The following DAB1 variants were observed in gnomAD, a reference collection of about 807,000 sequenced individuals.
DAB1 encodes DAB adaptor protein 1, also known as disabled homolog 1.
In DAB1, 15 loss-of-function variants were observed where a neutral mutation model predicts 64.6. The ratio of observed to expected loss-of-function variants is 0.23; its 90% confidence interval spans 0.16 to 0.36. The LOEUF is 0.36. Ranked by LOEUF, DAB1 falls within the 10% of genes least tolerant of loss-of-function variation. The pLI is 1.00. For missense variants in DAB1, 596 were observed against 706.7 expected (o/e 0.84, Z 1.78); for synonymous variants, 235 against 251.9 (o/e 0.93, Z 0.64).
chr1:58,450,740 C>T (rs1014989019), intron 3 of DAB1, among the ~76,000 whole-genome samples: 10 of 152,010 alleles, frequency 6.6e-5, no homozygotes, highest in African/African-American at 2.2e-4. Flanking sequence ...GGTGACAGAG[C>T]GAGACTCCGT....
intron 1 of DAB1, among the ~76,000 whole-genome samples, chr1:57,378,782 C>T (rs576202679): frequency 6.6e-6 from 1 of 152,154 alleles, no homozygotes. Flanking sequence ...CAGTGCAGCA[C>T]AGAATGCCTC....
intron 4 of DAB1, among the ~76,000 whole-genome samples, chr1:58,331,893 C>G (rs768326413): frequency 6.6e-6 from 1 of 152,124 alleles, no homozygotes; most frequent in Non-Finnish European, 1.5e-5. Context: ...CCTGTATCTA[C>G]TCAATAAATG....
chr1:57,962,107 TCA>T (rs1046023426), intron 5 of DAB1, among the ~76,000 whole-genome samples: 4 of 152,094 alleles, frequency 2.6e-5, no homozygotes, highest in African/African-American at 9.7e-5. Context: ...TGATCCCAAT[TCA>T]AATCCTGGCT....
At chr1:58,091,257 A>G (rs550963759) in intron 5 of DAB1, among the ~76,000 whole-genome samples, 2 of 152,274 alleles carry the variant, frequency 1.3e-5, no homozygotes, top group South Asian at 2.1e-4. Flanking sequence ...CTTTACAACA[A>G]AAGATTCAGA....
intron 2 of DAB1, among the ~76,000 whole-genome samples, chr1:57,236,366 C>T (rs980157680): frequency 3.3e-5 from 5 of 152,108 alleles, no homozygotes; most frequent in South Asian, 2.1e-4. Flanking sequence ...AAGATCACTT[C>T]GGCCGGACCT....
At chr1:58,357,645 A>T (rs1381391718) in intron 3 of DAB1, among the ~76,000 whole-genome samples, 2 of 152,218 alleles carry the variant, frequency 1.3e-5, no homozygotes, top group Admixed American at 1.3e-4. Flanking sequence ...TGTTAATGGC[A>T]TTCGAATCAC....
chr1:57,040,020 A>G (rs1359436314), intron 9 of DAB1, among the ~76,000 whole-genome samples: 2 of 152,194 alleles, frequency 1.3e-5, no homozygotes, highest in East Asian at 3.8e-4. Flanking sequence ...CTTCTACCAC[A>G]TGAAGGAGAT....
intron 5 of DAB1, among the ~76,000 whole-genome samples, chr1:57,933,488 T>C (rs1644981908): frequency 6.6e-6 from 1 of 152,228 alleles, no homozygotes; most frequent in Non-Finnish European, 1.5e-5. Flanking sequence ...ATATTGTAAG[T>C]ACTCTTCTGT....
rs182173898 is a variant in DAB1 at position 57,057,916 on chromosome 1, C to G, written c.723+4968G>C. On this transcript the variant is annotated intron_variant, in intron 9 of 14. Coordinates refer to ENST00000371236, the MANE Select transcript of DAB1 (RefSeq NM_001365792.1). ...AGCCACCGCGCCCGGCCTACTGATT[C>G]TTAATTCTATCAGATTGTGTCCCTA... Among the ~76,000 whole-genome samples the G allele has an allele frequency of 2.1e-4, 32 of 152,264 alleles. No individual in the cohort carries two copies. The East Asian group carries it at 4.6e-3, about 22-fold the overall frequency.
At chr1:57,667,850 G>A (rs1646466697) in intron 6 of DAB1, among the ~76,000 whole-genome samples, 1 of 151,954 alleles carries the variant, frequency 6.6e-6, no homozygotes, top group African/African-American at 2.4e-5. Flanking sequence ...CACGGGGAGG[G>A]TAACAACACA....
At chr1:57,674,511 G>A (rs746162609) in intron 6 of DAB1, among the ~76,000 whole-genome samples, 1 of 152,164 alleles carries the variant, frequency 6.6e-6, no homozygotes, top group Non-Finnish European at 1.5e-5. Context: ...GAGGCAAAGA[G>A]TAAGCTCTGC....
At chr1:57,649,924 A>T (rs1245005844) in intron 6 of DAB1, among the ~76,000 whole-genome samples, 1 of 152,102 alleles carries the variant, frequency 6.6e-6, no homozygotes, top group African/African-American at 2.4e-5. Context: ...TGTATCTGAG[A>T]TACATACATA....
chr1:58,175,492 T>A (rs1656417421), intron 4 of DAB1, among the ~76,000 whole-genome samples: 1 of 152,222 alleles, frequency 6.6e-6, no homozygotes, highest in Non-Finnish European at 1.5e-5. Flanking sequence ...ACACTTGTTA[T>A]TATTTGACTT....
chr1:57,978,079 T>A (rs1047632694), intron 5 of DAB1, among the ~76,000 whole-genome samples: 1 of 152,148 alleles, frequency 6.6e-6, no homozygotes, highest in Admixed American at 6.5e-5. Flanking sequence ...AAAGTTCATA[T>A]GGAACCGAAA....
chr1:57,427,159 G>C (rs973312798), upstream of DAB1, among the ~76,000 whole-genome samples: 2 of 152,222 alleles, frequency 1.3e-5, no homozygotes, highest in Middle Eastern at 3.4e-3. Flanking sequence ...CACCACGCCC[G>C]GCCTAATATA....
intron 6 of DAB1, among the ~76,000 whole-genome samples, chr1:57,687,232 C>T (rs1646708410): frequency 6.6e-6 from 1 of 151,968 alleles, no homozygotes; most frequent in South Asian, 2.1e-4. Context: ...AAATCAGTAC[C>T]ATTTCTATAC....
intron 1 of DAB1, chr1:57,875,185 A>G (rs768372576): frequency 6.6e-6 from 1 of 152,208 alleles, no homozygotes; most frequent in East Asian, 1.9e-4. Context: ...TCTGCCATCT[A>G]CAAGTATGTC....
intron 7 of DAB1, among the ~76,000 whole-genome samples, chr1:57,644,556 C>CAT (rs146451010): frequency 0.27 from 41,330 of 151,300 alleles, 5,809 homozygotes; most frequent in Admixed American, 0.35. Context: ...TGTGTGTATG[C>CAT]ATATATATAT....
chr1:57,891,953 G>A (rs747257758), intron 5 of DAB1, among the ~76,000 whole-genome samples: 44 of 152,258 alleles, frequency 2.9e-4, no homozygotes, highest in Middle Eastern at 6.8e-3. Context: ...GGTAACAAAC[G>A]TGCACGTTCT....
Sources: gnomAD v4.1 joint callset for allele counts (sites outside exome capture counted in the v4.1 genomes callset) on GRCh38, gnomAD v4.1.1 for gene constraint, MANE v1.5 for transcripts, NCBI Gene and HGNC (gene_info 2026-07-23, HGNC 2026-07-21) for gene names.